The following UGT1A5 variants were observed in gnomAD, a reference collection of about 807,000 sequenced individuals.
The protein encoded by UGT1A5 is UDP-glucuronosyltransferase 1A5.
In UGT1A5, 29 loss-of-function variants were observed where a neutral mutation model predicts 40.3. The observed-to-expected ratio is 0.72, with a 90% CI of 0.54 to 0.98. The LOEUF (loss-of-function observed/expected upper bound fraction) is 0.98. Ranked by LOEUF, UGT1A5 falls within the 50% of genes least tolerant of loss-of-function variation. The probability of loss-of-function intolerance (pLI) is 0.00; values close to 1 mark genes in which losing one functional copy is unlikely to be tolerated. For missense variants in UGT1A5, 678 were observed against 677.9 expected, an observed-to-expected ratio of 1.00 and a Z score of 0.00; for synonymous variants, 257 against 262.5, an observed-to-expected ratio of 0.98 and a Z score of 0.20.
chr2:233,772,537 C>A lies in UGT1A5; in HGVS notation c.1583C>A (p.Ala528Asp). Residue 528 changes from alanine (A) to aspartate (D), a missense_variant, in exon 5 of 5, where the codon GCC becomes GAC. By Grantham distance (126) the Ala-to-Asp change is moderately radical (BLOSUM62 -2). Coordinates refer to ENST00000373414, the MANE Select transcript of UGT1A5 (RefSeq NM_019078.2). ...CLGKKGRVKK[A>D]HKSKTH ...GGGAAAAAAGGGCGAGTTAAGAAAG[C>A]CCACAAATCCAAGACCCATTGAGAA... 1.9e-6 allele frequency: 3 copies of A among 1,614,090 alleles called. No homozygotes were observed. Among genetic ancestry groups the A allele is most frequent in the Non-Finnish European group, 2.5e-6 (3 of 1,180,000 alleles).
intron 1 of UGT1A5, among the ~76,000 whole-genome samples, chr2:233,735,822 A>G (rs1482941738): frequency 6.6e-6 from 1 of 152,164 alleles, no homozygotes. Flanking sequence ...TTCTTTAAGA[A>G]TGTTGAATAT....
At chr2:233,757,710 G>A (rs942741461) in intron 1 of UGT1A5, among the ~76,000 whole-genome samples, 2 of 151,554 alleles carry the variant, frequency 1.3e-5, no homozygotes, top group Admixed American at 6.6e-5. Flanking sequence ...TTTGCTTCCC[G>A]GGAGGGTCCT....
intron 1 of UGT1A5, chr2:233,729,317 A>G: frequency 6.2e-7 from 1 of 1,614,270 alleles, no homozygotes; most frequent in Non-Finnish European, 8.5e-7. Flanking sequence ...CTCACCCCAG[A>G]GGTGAATATG....
At chr2:233,718,468 A>G (rs934108857) in intron 1 of UGT1A5, among the ~76,000 whole-genome samples, 5 of 152,236 alleles carry the variant, frequency 3.3e-5, no homozygotes, top group African/African-American at 1.2e-4. Flanking sequence ...CCTCAGCTGC[A>G]GCCTGATAAA....
intron 1 of UGT1A5, among the ~76,000 whole-genome samples, chr2:233,748,829 G>T (rs1192020175): frequency 6.6e-6 from 1 of 151,330 alleles, no homozygotes. Context: ...GTCTAGGGAG[G>T]AGATAAAACT....
Position 233,771,783 on chromosome 2 carries a change from TCTCC to T in UGT1A5, c.1308-460_1308-457del, listed in dbSNP as rs562104634. ...TCCTCCGTCCCTCTCTCCTTTCCTC[TCTCC>T]CTCCCTCCCTCCCTCCCTTCCTCCT... On this transcript the variant is annotated intron_variant, in intron 4 of 4. Coordinates refer to ENST00000373414, the MANE Select transcript of UGT1A5 (RefSeq NM_019078.2). Among the ~76,000 whole-genome samples, 597 of 151,668 alleles carry T rather than the reference TCTCC, an allele frequency of 3.9e-3. 3 individuals carry two copies. The Middle Eastern group carries it at 0.041, about 10-fold the overall frequency.
chr2:233,740,162 T>C (rs747087545), intron 1 of UGT1A5, among the ~76,000 whole-genome samples: 1 of 151,900 alleles, frequency 6.6e-6, no homozygotes, highest in Non-Finnish European at 1.5e-5. Context: ...TCCCCAGTCA[T>C]GTGGAACTGT....
At position 233,713,593 on chromosome 2, in the gene UGT1A5, A is replaced by G; in HGVS notation, c.602A>G (p.Asn201Ser). The G allele has an allele frequency of 1.2e-6, 2 of 1,613,934 alleles. No individual in the cohort carries two copies. The highest frequency in any genetic ancestry group is 1.1e-5 in the South Asian group (1 of 91,064). ...SSYIPRLLTT[N>S]SDHMTFLQRV... ...TATATTCCTAGATTACTAACGACCA[A>G]TTCAGACCACATGACATTCCTGCAA... is the stretch of plus-strand genomic sequence containing the variant. Residue 201 changes from asparagine to serine, a missense_variant, in exon 1 of 5, where the codon AAT becomes AGT. Physicochemically the swap from Asn to Ser is conservative, Grantham distance 46. Coordinates refer to ENST00000373414, the MANE Select transcript of UGT1A5 (RefSeq NM_019078.2).
chr2:233,767,812 T>G, intron 2 of UGT1A5, 37 bp from the exon 3 acceptor site: 9 of 1,614,150 alleles, frequency 5.6e-6, no homozygotes, highest in Non-Finnish European at 7.6e-6. Flanking sequence ...TCATATTATG[T>G]TCTTTCTTTA....
At chr2:233,758,130 G>A (rs1468544509) in intron 1 of UGT1A5, among the ~76,000 whole-genome samples, 2 of 152,174 alleles carry the variant, frequency 1.3e-5, no homozygotes, top group African/African-American at 4.8e-5. Flanking sequence ...ATAAATATTT[G>A]GCAGATGAGG....
intron 1 of UGT1A5, among the ~76,000 whole-genome samples, chr2:233,732,434 T>A (rs2078271939): frequency 6.6e-6 from 1 of 152,264 alleles, no homozygotes; most frequent in African/African-American, 2.4e-5. Context: ...AGGATTTTTA[T>A]GGTTTTAGGT....
chr2:233,754,931 G>T, intron 1 of UGT1A5: 1 of 1,344,540 alleles, frequency 7.4e-7, no homozygotes, highest in South Asian at 1.1e-5. Context: ...TTCCCAAGAG[G>T]TCAAAGGAGA....
intron 4 of UGT1A5, 145 bp downstream of exon 4, chr2:233,768,584 T>TC: frequency 1.2e-5 from 1 of 86,896 alleles, no homozygotes; most frequent in Non-Finnish European, 1.4e-5. Flanking sequence ...TATTTCTTCT[T>TC]TTTTTTTTTT....
chr2:233,768,466 T>G (rs1161223448), intron 4 of UGT1A5, 27 bp downstream of exon 4: 2 of 1,605,760 alleles, frequency 1.2e-6, no homozygotes, highest in South Asian at 2.2e-5. Flanking sequence ...AGAAGAATAC[T>G]TTGGTCATGG....
chr2:233,772,112 C>T (rs1700461982), intron 4 of UGT1A5, 150 bp from the exon 5 acceptor site: 2 of 1,527,992 alleles, frequency 1.3e-6, no homozygotes, highest in Non-Finnish European at 1.8e-6. Flanking sequence ...GACTCTGTAT[C>T]TAAAAACAAC....
At chr2:233,722,664 T>C (rs1443762088) in intron 1 of UGT1A5, among the ~76,000 whole-genome samples, 2 of 152,158 alleles carry the variant, frequency 1.3e-5, no homozygotes, top group Admixed American at 1.3e-4. Flanking sequence ...TTTACTTAGG[T>C]TTTGGTAAAA....
At chr2:233,749,645 C>T (rs1375243273) in intron 1 of UGT1A5, among the ~76,000 whole-genome samples, 7 of 151,834 alleles carry the variant, frequency 4.6e-5, no homozygotes, top group Non-Finnish European at 1.0e-4. Flanking sequence ...CAAATCTCAT[C>T]TTGAATTGTA....
intron 1 of UGT1A5, among the ~76,000 whole-genome samples, chr2:233,727,780 G>A (rs1337158830): frequency 6.6e-6 from 1 of 152,168 alleles, no homozygotes. Flanking sequence ...CCCAGTAGAC[G>A]CTTCCATTCA....
chr2:233,752,487 A>G (rs551015085), intron 1 of UGT1A5: 1 of 152,342 alleles, frequency 6.6e-6, no homozygotes, highest in South Asian at 2.1e-4. Context: ...TATGTTTTTG[A>G]GATGAGACAT....
Sources: allele counts gnomAD v4.1 joint callset (sites outside exome capture counted in the v4.1 genomes callset), GRCh38; gene constraint gnomAD v4.1.1; transcripts MANE v1.5; gene names NCBI Gene and HGNC (gene_info 2026-07-23, HGNC 2026-07-21).